Variants in MAF observed in about 807,000 individuals in gnomAD.
MAF encodes MAF bZIP transcription factor.
In MAF, 10 loss-of-function variants were observed where a neutral mutation model predicts 22.0. The ratio of observed to expected loss-of-function variants is 0.45; its 90% confidence interval spans 0.28 to 0.77. The LOEUF (loss-of-function observed/expected upper bound fraction) is 0.77, where lower values mean the gene tolerates loss of function less well. Among genes scored for constraint, MAF ranks in the 30% least tolerant of loss-of-function variants. The pLI is 0.12. For synonymous variants in MAF, 337 were observed against 255.8 expected (o/e 1.32, Z -3.03); for missense variants, 544 against 548.4 (o/e 0.99, Z 0.08).
At chr16:79,437,437 T>C in the MAF span, among the ~76,000 whole-genome samples, 1 of 152,128 alleles carries the variant, frequency 6.6e-6, no homozygotes, top group East Asian at 1.9e-4. Flanking sequence ...CCACACATCC[T>C]GCTTGAAATG....
chr16:79,540,691 T>G, the MAF span, among the ~76,000 whole-genome samples: 6 of 152,186 alleles, frequency 3.9e-5, no homozygotes, highest in Admixed American at 3.9e-4. Context: ...TCTAATGAGG[T>G]TGACAATGTA....
the MAF span, among the ~76,000 whole-genome samples, chr16:79,405,337 C>T: frequency 2.0e-5 from 3 of 152,150 alleles, no homozygotes; most frequent in African/African-American, 7.2e-5. Context: ...AATTCACTGA[C>T]CTGAGCCTCA....
chr16:79,544,914 G>A, the MAF span, among the ~76,000 whole-genome samples: 1 of 152,068 alleles, frequency 6.6e-6, no homozygotes, highest in South Asian at 2.1e-4. Context: ...AATAACGAGG[G>A]ACTGATCCTT....
the MAF span, among the ~76,000 whole-genome samples, chr16:79,392,802 G>A: frequency 8.5e-5 from 13 of 152,262 alleles, no homozygotes; most frequent in Non-Finnish European, 1.0e-4. Context: ...TTTGGCATGT[G>A]AGAACCCTAA....
the MAF span, among the ~76,000 whole-genome samples, chr16:79,313,432 T>C: frequency 6.6e-6 from 1 of 152,148 alleles, no homozygotes. Context: ...GTCCATGATG[T>C]TGAGTTCCCC....
At chr16:79,457,222 C>A in the MAF span, among the ~76,000 whole-genome samples, 1 of 152,102 alleles carries the variant, frequency 6.6e-6, no homozygotes, top group Non-Finnish European at 1.5e-5. Context: ...CAACAGGTGT[C>A]ACTTGCAATT....
At chr16:79,415,335 G>C in the MAF span, among the ~76,000 whole-genome samples, 14,322 of 143,252 alleles carry the variant, frequency 0.1, 851 homozygotes, top group South Asian at 0.29. Flanking sequence ...AGGAAGGAGG[G>C]AGGATGAACA....
the MAF span, among the ~76,000 whole-genome samples, chr16:79,412,932 T>C: frequency 8.8e-3 from 1,338 of 152,254 alleles, 22 homozygotes; most frequent in African/African-American, 0.03. Flanking sequence ...GGTATGTAAA[T>C]AGGGGATTAT....
the MAF span, among the ~76,000 whole-genome samples, chr16:79,335,379 A>G: frequency 6.6e-6 from 1 of 152,140 alleles, no homozygotes; most frequent in South Asian, 2.1e-4. Context: ...GAGCTTGTTA[A>G]ACTGGCTTCT....
chr16:79,547,024 C>A, the MAF span, among the ~76,000 whole-genome samples: 160 of 152,244 alleles, frequency 1.1e-3, 1 homozygote, highest in Middle Eastern at 0.01. Context: ...TTGGTAAGTG[C>A]CAGACATGGT....
At chr16:79,230,663 T>G in the MAF span, among the ~76,000 whole-genome samples, 1 of 152,118 alleles carries the variant, frequency 6.6e-6, no homozygotes, top group African/African-American at 2.4e-5. Flanking sequence ...CTTGAAGAAA[T>G]TAACCAAGTA....
At chr16:79,300,739 A>T in the MAF span, among the ~76,000 whole-genome samples, 2 of 151,382 alleles carry the variant, frequency 1.3e-5, no homozygotes, top group East Asian at 3.9e-4. Context: ...CATTTAATTT[A>T]TATACATTTT....
chr16:79,311,018 A>ATT, the MAF span, among the ~76,000 whole-genome samples: 136 of 133,672 alleles, frequency 1.0e-3, 2 homozygotes, highest in South Asian at 0.018. Flanking sequence ...CTGCTTTTTC[A>ATT]TTTTTTTTTT....
chr16:79,435,246 G>GCA, the MAF span, among the ~76,000 whole-genome samples: 1,491 of 150,250 alleles, frequency 9.9e-3, 17 homozygotes, highest in African/African-American at 0.028. Flanking sequence ...CTGCGACTGT[G>GCA]CACACACACA....
At chr16:79,472,098 G>A in the MAF span, among the ~76,000 whole-genome samples, 109 of 152,144 alleles carry the variant, frequency 7.2e-4, no homozygotes, top group Non-Finnish European at 1.2e-3. Flanking sequence ...GGTTTACAAG[G>A]AGCCACCATA....
At chr16:79,569,712 T>TG in the MAF span, among the ~76,000 whole-genome samples, 303 of 152,296 alleles carry the variant, frequency 2.0e-3, no homozygotes, top group Non-Finnish European at 3.8e-3. Context: ...TATTGATGCC[T>TG]GGGTACCACC....
the MAF span, among the ~76,000 whole-genome samples, chr16:79,336,950 C>T: frequency 9.2e-5 from 14 of 152,008 alleles, no homozygotes; most frequent in Non-Finnish European, 1.6e-4. Context: ...CACGTTAAAG[C>T]AAGGAAAAAA....
chr16:79,246,339 C>T, the MAF span, among the ~76,000 whole-genome samples: 1 of 152,090 alleles, frequency 6.6e-6, no homozygotes, highest in Non-Finnish European at 1.5e-5. Flanking sequence ...CTCTCATTTA[C>T]CTGTTTGACT....
At chr16:79,596,989 A>G (rs1401866112) in intron 1 of MAF, 2 of 1,053,564 alleles carry the variant, frequency 1.9e-6, no homozygotes, top group Non-Finnish European at 1.1e-6. Context: ...TGAATGTAAA[A>G]TACCCCTACA....
Sources: allele counts gnomAD v4.1 joint callset (sites outside exome capture counted in the v4.1 genomes callset), GRCh38; gene constraint gnomAD v4.1.1; transcripts MANE v1.5; gene names NCBI Gene and HGNC (gene_info 2026-07-23, HGNC 2026-07-21).